The following BCAP31 variants were observed in gnomAD, a reference collection of about 807,000 sequenced individuals.
BCAP31 encodes the protein B cell receptor associated protein 31.
For missense variants in BCAP31, 124 were observed against 193.0 expected (o/e 0.64, Z 2.12); for synonymous variants, 75 against 80.9 (o/e 0.93, Z 0.39).
chrX:153,715,228 G>T (rs1181326437), intron 4 of BCAP31, among the ~76,000 whole-genome samples: 2 of 111,912 alleles, frequency 1.8e-5, no homozygotes, highest in Admixed American at 9.5e-5. Context: ...CTCTCCCAGA[G>T]GAGGGCAAGG....
chrX:153,713,213 A>C (rs2091604677), intron 4 of BCAP31, among the ~76,000 whole-genome samples: 1 of 111,036 alleles, frequency 9.0e-6, no homozygotes, highest in South Asian at 3.8e-4. Flanking sequence ...TCTCAAAAAA[A>C]AAGAGTGAGC....
chrX:153,714,459 T>C (rs2091613180), intron 4 of BCAP31, among the ~76,000 whole-genome samples: 1 of 111,218 alleles, frequency 9.0e-6, no homozygotes, highest in Non-Finnish European at 1.9e-5. Flanking sequence ...GTAGATCAAA[T>C]CTGTGATCAA....
intron 4 of BCAP31, among the ~76,000 whole-genome samples, chrX:153,713,131 C>T (rs1017723064): frequency 1.8e-5 from 2 of 111,039 alleles, no homozygotes. Flanking sequence ...GGCGTGAACC[C>T]GGGAGACAGA....
intron 1 of BCAP31, chrX:153,723,889 C>T (rs2091687785): frequency 1.9e-6 from 1 of 523,501 alleles, no homozygotes; most frequent in Non-Finnish European, 3.4e-6. Flanking sequence ...GGCTGGAGGC[C>T]CGCAAGAGCG....
intron 4 of BCAP31, among the ~76,000 whole-genome samples, chrX:153,708,431 C>T (rs782756030): frequency 4.8e-4 from 54 of 112,481 alleles, no homozygotes; most frequent in Non-Finnish European, 9.0e-4. Flanking sequence ...CACCCCCGGC[C>T]CGCCCTGCTG....
intron 4 of BCAP31, among the ~76,000 whole-genome samples, chrX:153,707,522 T>C (rs782510040): frequency 2.7e-5 from 3 of 111,589 alleles, no homozygotes; most frequent in African/African-American, 9.8e-5. Flanking sequence ...AGACTGCACC[T>C]GTGTTCACCT....
chrX:153,715,777 G>T, intron 3 of BCAP31, 88 bp from the exon 4 acceptor site: 1 of 1,063,141 alleles, frequency 9.4e-7, no homozygotes, highest in Non-Finnish European at 1.3e-6. Flanking sequence ...GCATGAGACA[G>T]GTCAGACTCA....
intron 1 of BCAP31, chrX:153,724,003 C>T (rs2091688947): frequency 5.3e-6 from 2 of 375,575 alleles, no homozygotes; most frequent in Admixed American, 3.0e-5. Flanking sequence ...CCTCAGAAGC[C>T]AGGGGTCCTT....
intron 4 of BCAP31, among the ~76,000 whole-genome samples, chrX:153,707,105 G>A (rs782445901): frequency 6.3e-5 from 7 of 110,699 alleles, no homozygotes; most frequent in Non-Finnish European, 1.1e-4. Flanking sequence ...ATGTCCTCTC[G>A]ACCCAGCTCA....
intron 1 of BCAP31, chrX:153,723,978 T>G: frequency 2.4e-6 from 1 of 414,963 alleles, no homozygotes; most frequent in Non-Finnish European, 4.5e-6. Context: ...ACGGAGAAAG[T>G]TCTAGACGCA....
At chrX:153,702,824 G>C (rs1394381910) in intron 6 of BCAP31, 111 bp downstream of exon 6, 1 of 1,061,339 alleles carries the variant, frequency 9.4e-7, no homozygotes, top group African/African-American at 1.8e-5. Flanking sequence ...GCCAGCCCTC[G>C]AGCGTGCGTG....
chrX:153,719,936 G>T (rs2091653372), intron 3 of BCAP31, among the ~76,000 whole-genome samples: 2 of 111,929 alleles, frequency 1.8e-5, no homozygotes. Context: ...GCACCTGCTA[G>T]TGTACACCTC....
intron 3 of BCAP31, among the ~76,000 whole-genome samples, chrX:153,716,838 G>A (rs980566558): frequency 4.5e-5 from 5 of 112,004 alleles, no homozygotes; most frequent in Non-Finnish European, 7.5e-5. Context: ...GGAGTCAAGG[G>A]TTTCATTTCA....
intron 4 of BCAP31, among the ~76,000 whole-genome samples, chrX:153,713,876 CT>C (rs1569540207): frequency 1.1e-4 from 11 of 98,342 alleles, no homozygotes; most frequent in African/African-American, 4.5e-4. Context: ...CTTCCCGATA[CT>C]ATTCTTTTTT....
chrX:153,703,748 C>G (rs1475039375), intron 5 of BCAP31, among the ~76,000 whole-genome samples: 1 of 112,359 alleles, frequency 8.9e-6, no homozygotes, highest in Non-Finnish European at 1.9e-5. Context: ...CAGCAACACC[C>G]TCCTCCTCAC....
At chrX:153,713,519 C>CAGG (rs782725997) in intron 4 of BCAP31, among the ~76,000 whole-genome samples, 6 of 112,202 alleles carry the variant, frequency 5.3e-5, no homozygotes, top group African/African-American at 1.9e-4. Context: ...AGATCAAAGT[C>CAGG]AACCCTCCCC....
At chrX:153,723,389 C>T in intron 1 of BCAP31, 101 bp from the exon 2 acceptor site, 17 of 1,127,949 alleles carry the variant, frequency 1.5e-5, no homozygotes, top group Admixed American at 2.8e-5. Flanking sequence ...TCCACCCTGA[C>T]CCCCTGCACT....
At chrX:153,720,994 C>A (rs1193628933) in intron 2 of BCAP31, 22 bp from the exon 3 acceptor site, 1 of 1,187,483 alleles carries the variant, frequency 8.4e-7, no homozygotes, top group Non-Finnish European at 1.1e-6. Context: ...ACAAAAAGGA[C>A]AGGAGTTGAA....
rs782641780 is a variant in BCAP31 at position 153,720,384 on chromosome X, G to A, written c.193+488C>T. Among the ~76,000 whole-genome samples, 4 of 104,262 alleles carry A rather than the reference G, an allele frequency of 3.8e-5. No individual in the cohort carries two copies. The East Asian group carries it at 9.1e-4, about 24-fold the overall frequency. 90.5% of individuals were successfully genotyped at this position (104,262 alleles called of 115,157 possible). On this transcript the variant is annotated intron_variant, in intron 3 of 7. Coordinates refer to ENST00000345046, the MANE Select transcript of BCAP31 (RefSeq NM_001256447.2). ...AGGGGCCTCTTTTTTTTTTTTTTGA[G>A]ATGGAGTCTCCCTCTTGTTGCCCAG...
Sources: gnomAD v4.1 joint callset for allele counts (sites outside exome capture counted in the v4.1 genomes callset) on GRCh38, gnomAD v4.1.1 for gene constraint, MANE v1.5 for transcripts, NCBI Gene and HGNC (gene_info 2026-07-23, HGNC 2026-07-21) for gene names.